The following IGSF21 variants were observed in gnomAD, a reference collection of about 807,000 sequenced individuals.
IGSF21 encodes immunoglobulin superfamily member 21.
IGSF21 carries 28 observed loss-of-function variants against 46.8 expected under a neutral mutation model. The ratio of observed to expected loss-of-function variants is 0.60; its 90% CI spans 0.44 to 0.82. IGSF21 has a LOEUF of 0.82. Among genes scored for constraint, IGSF21 ranks in the 40% least tolerant of loss-of-function variants. The pLI is 0.00. For synonymous variants in IGSF21, 284 were observed against 273.6 expected, an observed-to-expected ratio of 1.04 and a Z score of -0.38; for missense variants, 624 against 665.5, an observed-to-expected ratio of 0.94 and a Z score of 0.69.
intron 1 of IGSF21, among the ~76,000 whole-genome samples, chr1:18,154,202 G>A (rs538196428): frequency 9.9e-5 from 15 of 152,186 alleles, no homozygotes; most frequent in East Asian, 5.8e-4. Flanking sequence ...CATTTGCTTC[G>A]CTGGCCTGAT....
rs141262428 is a variant in IGSF21 at position 18,185,665 on chromosome 1, T to C, written c.71-42233T>C. Among the ~76,000 whole-genome samples the C allele has an allele frequency of 1.3e-5, 2 of 152,322 alleles. 1 individual carries two copies. The highest frequency in any genetic ancestry group is 2.9e-5 in the Non-Finnish European group (2 of 68,030). On this transcript the variant is annotated intron_variant, in intron 1 of 9. Coordinates refer to ENST00000251296, the MANE Select transcript of IGSF21 (RefSeq NM_032880.5). ...GGCTCAGAATCCCAGCTCTGCCTCTTACTCTCTGACCTTAGGCAAGCAACT... is the reference window on the plus strand; with the variant it reads ...GGCTCAGAATCCCAGCTCTGCCTCTCACTCTCTGACCTTAGGCAAGCAACT...
At chr1:18,127,748 T>G (rs2086285784) in intron 1 of IGSF21, among the ~76,000 whole-genome samples, 2 of 151,904 alleles carry the variant, frequency 1.3e-5, no homozygotes, top group South Asian at 4.2e-4. Flanking sequence ...ACCAAACAAA[T>G]AAAGAATAAA....
chr1:18,240,491 T>C (rs534227602), intron 2 of IGSF21, among the ~76,000 whole-genome samples: 4 of 152,336 alleles, frequency 2.6e-5, no homozygotes, highest in African/African-American at 9.6e-5. Flanking sequence ...AATAGTTGAA[T>C]GTCTCTCTCC....
intron 1 of IGSF21, among the ~76,000 whole-genome samples, chr1:18,164,033 G>A (rs1262954089): frequency 1.3e-5 from 2 of 152,190 alleles, no homozygotes; most frequent in Non-Finnish European, 2.9e-5. Flanking sequence ...ATCCACCAAT[G>A]GGAGACTGCC....
intron 1 of IGSF21, among the ~76,000 whole-genome samples, chr1:18,153,214 G>T (rs2086536486): frequency 6.6e-6 from 1 of 152,176 alleles, no homozygotes. Context: ...GAGAGTGATG[G>T]AGGCATTCCC....
At chr1:18,294,936 A>C (rs1234119099) in intron 3 of IGSF21, among the ~76,000 whole-genome samples, 2 of 152,232 alleles carry the variant, frequency 1.3e-5, no homozygotes, top group Non-Finnish European at 2.9e-5. Flanking sequence ...GATATTTACA[A>C]ATTAATGCAT....
rs1468902456 is a variant in IGSF21, at chr1:18,337,308, G to A, written c.424+2298G>A. On this transcript the variant is annotated intron_variant, in intron 4 of 9. Coordinates refer to ENST00000251296, the MANE Select transcript of IGSF21 (RefSeq NM_032880.5). The surrounding 1 kb of genome is among the most constrained non-coding windows in gnomAD (Gnocchi z 5.7). ...TTCCCCATCTGTAAAACAGGGATAA[G>A]GATGCTTCCCTCCTAGGGTGGCTGT... Among the ~76,000 whole-genome samples, 1 of 152,204 alleles carries A rather than the reference G, an allele frequency of 6.6e-6. No homozygotes were observed. The highest frequency in any genetic ancestry group is 1.5e-5 in the Non-Finnish European group (1 of 68,040).
At chr1:18,169,309 T>C (rs1342589645) in intron 1 of IGSF21, among the ~76,000 whole-genome samples, 1 of 152,176 alleles carries the variant, frequency 6.6e-6, no homozygotes, top group African/African-American at 2.4e-5. Flanking sequence ...AGCAGGGAAC[T>C]GGGAAGTGGG....
At chr1:18,131,301 A>C (rs1208551685) in intron 1 of IGSF21, among the ~76,000 whole-genome samples, 1 of 152,182 alleles carries the variant, frequency 6.6e-6, no homozygotes, top group South Asian at 2.1e-4. Flanking sequence ...GTTGATGAAG[A>C]CATCGCTTTT....
chr1:18,361,940 C>G (rs1454453628), intron 4 of IGSF21, 175 bp from the exon 5 acceptor site: 2 of 589,022 alleles, frequency 3.4e-6, no homozygotes, highest in African/African-American at 3.7e-5. Context: ...ATATTCCCAG[C>G]AAGGACGTGT....
At chr1:18,359,336 GAAAAAGAAAGAAAGAAAGAA>G (rs1333493563) in intron 4 of IGSF21, among the ~76,000 whole-genome samples, 566 of 44,730 alleles carry the variant, frequency 0.013, 30 homozygotes, top group Middle Eastern at 0.027. Context: ...GAAAGAGAAA[GAAAAAGAAAGAAAGAAAGAA>G]AGAAAGAAAG....
At chr1:18,305,436 A>C (rs1041602249) in intron 3 of IGSF21, among the ~76,000 whole-genome samples, 8 of 148,144 alleles carry the variant, frequency 5.4e-5, no homozygotes, top group African/African-American at 2.0e-4. Flanking sequence ...TGGATGGATT[A>C]TGGATGGATG....
intron 4 of IGSF21, among the ~76,000 whole-genome samples, chr1:18,340,596 G>A (rs1363543343): frequency 2.0e-5 from 3 of 152,180 alleles, no homozygotes; most frequent in African/African-American, 4.8e-5. Flanking sequence ...AGTTTCTGGG[G>A]CTTCCCATAG....
chr1:18,298,654 G>GCT (rs1198433980), intron 3 of IGSF21, among the ~76,000 whole-genome samples: 2 of 152,200 alleles, frequency 1.3e-5, no homozygotes, highest in Non-Finnish European at 2.9e-5. Flanking sequence ...GAAAAAAAGA[G>GCT]GCTGAGAATG....
At chr1:18,320,588 G>T (rs975167877) in intron 3 of IGSF21, among the ~76,000 whole-genome samples, 1 of 152,200 alleles carries the variant, frequency 6.6e-6, no homozygotes. Context: ...CCACAGCTTC[G>T]CAAGGAATGC....
At chr1:18,325,824 G>A (rs1288898730) in intron 3 of IGSF21, among the ~76,000 whole-genome samples, 1 of 152,182 alleles carries the variant, frequency 6.6e-6, no homozygotes, top group African/African-American at 2.4e-5. Flanking sequence ...CCCAGTCCTG[G>A]GAGGTTTGTG....
chr1:18,205,755 C>A (rs888499389), intron 1 of IGSF21, among the ~76,000 whole-genome samples: 6 of 152,172 alleles, frequency 3.9e-5, no homozygotes, highest in Admixed American at 2.0e-4. Flanking sequence ...AGATTGGAAT[C>A]AGACTTAGGA....
intron 2 of IGSF21, among the ~76,000 whole-genome samples, chr1:18,288,399 G>C (rs2085235535): frequency 6.6e-6 from 1 of 152,304 alleles, no homozygotes; most frequent in African/African-American, 2.4e-5. Context: ...TCATCTTACT[G>C]ACTCTGGAAC....
chr1:18,365,772 T>C lies in IGSF21; in HGVS notation c.1015+75T>C. 1 of 1,257,606 alleles carries C rather than the reference T, an allele frequency of 8.0e-7. No individual in the cohort carries two copies. Among genetic ancestry groups the C allele is most frequent in the Non-Finnish European group, 1.1e-6 (1 of 899,978 alleles). 77.9% of individuals were successfully genotyped at this position (1,257,606 alleles called of 1,614,324 possible). A position where few individuals can be genotyped will look rare whatever the true frequency, so the allele number is the denominator to read the frequency against. Reference sequence around the variant, plus strand: ...GGGGAGAGCCTTGGAATAGGGTTCCTGGGCTGAGGACAGCCATGGAAAGGG... The same window carrying C: ...GGGGAGAGCCTTGGAATAGGGTTCCCGGGCTGAGGACAGCCATGGAAAGGG... On this transcript the variant is annotated intron_variant, in intron 6 of 9. Transcript: ENST00000251296. This position sits in a 1 kb window ranked among gnomAD's most constrained non-coding sequence, Gnocchi z 4.8.
Sources: gnomAD v4.1 joint callset for allele counts (sites outside exome capture counted in the v4.1 genomes callset) on GRCh38, gnomAD v4.1.1 for gene constraint, Gnocchi (gnomAD v3.1) non-coding constraint, MANE v1.5 for transcripts, NCBI Gene and HGNC (gene_info 2026-07-23, HGNC 2026-07-21) for gene names.